The following COL14A1 variants were observed in gnomAD, a reference collection of about 807,000 sequenced individuals.
The protein encoded by COL14A1 is collagen alpha-1(XIV) chain.
Under a neutral mutation model 230.3 loss-of-function variants are expected in COL14A1, and 136 were observed. The observed-to-expected ratio is 0.59, with a 90% CI of 0.51 to 0.68. The LOEUF (loss-of-function observed/expected upper bound fraction) is 0.68. COL14A1 is among the 30% of genes least tolerant of loss of function. The pLI is 0.00. For missense variants in COL14A1, 1,976 were observed against 2,215.8 expected (o/e 0.89, Z 2.17); for synonymous variants, 792 against 784.1 (o/e 1.01, Z -0.17).
At chr8:120,145,413 G>A (rs1157169067) in intron 1 of COL14A1, among the ~76,000 whole-genome samples, 1 of 152,216 alleles carries the variant, frequency 6.6e-6, no homozygotes, top group Non-Finnish European at 1.5e-5. Flanking sequence ...GAGGTCAGGA[G>A]TTTGAGACCA....
At chr8:120,256,146 A>G (rs934988186) in intron 23 of COL14A1, among the ~76,000 whole-genome samples, 5 of 152,222 alleles carry the variant, frequency 3.3e-5, no homozygotes, top group African/African-American at 1.2e-4. Flanking sequence ...AGGAGATGCT[A>G]AAGAATCCCA....
At chr8:120,247,772 G>A (rs764661146) in intron 21 of COL14A1, 37 bp downstream of exon 21, 2 of 1,601,668 alleles carry the variant, frequency 1.2e-6, no homozygotes, top group African/African-American at 1.3e-5. Context: ...GATACCATGA[G>A]TAGTCACTTA....
intron 3 of COL14A1, 87 bp from the exon 4 acceptor site, chr8:120,162,339 C>A: frequency 1.5e-5 from 17 of 1,121,432 alleles, no homozygotes; most frequent in Non-Finnish European, 2.0e-5. Context: ...TACTGTTTAA[C>A]ACCATAATTG....
chr8:120,252,180 T>C (rs1818989933), intron 22 of COL14A1, among the ~76,000 whole-genome samples: 1 of 152,130 alleles, frequency 6.6e-6, no homozygotes, highest in Non-Finnish European at 1.5e-5. Context: ...ACATCTTTAT[T>C]TTATTTTATT....
chr8:120,128,101 C>G (rs973599933), intron 1 of COL14A1, among the ~76,000 whole-genome samples: 1 of 152,124 alleles, frequency 6.6e-6, no homozygotes, highest in Non-Finnish European at 1.5e-5. Flanking sequence ...TAATCATTCT[C>G]CTTGACTTCT....
At chr8:120,334,400 C>T (rs557039953) in intron 42 of COL14A1, among the ~76,000 whole-genome samples, 2,756 of 146,796 alleles carry the variant, frequency 0.019, 39 homozygotes, top group Middle Eastern at 0.059. Context: ...ATACAAAATA[C>T]TTTTAGATCT....
chr8:120,333,329 T>C (rs1821934197), intron 42 of COL14A1, among the ~76,000 whole-genome samples: 1 of 152,240 alleles, frequency 6.6e-6, no homozygotes, highest in Admixed American at 6.5e-5. Flanking sequence ...TGAACACATC[T>C]GGGCCTGTTT....
intron 34 of COL14A1, among the ~76,000 whole-genome samples, chr8:120,291,712 G>A (rs985225779): frequency 2.6e-4 from 39 of 151,886 alleles, no homozygotes; most frequent in African/African-American, 8.2e-4. Context: ...GTTAGTAGGC[G>A]TTCACTGAAG....
At chr8:120,307,237 G>A (rs1240956255) in intron 36 of COL14A1, among the ~76,000 whole-genome samples, 1 of 152,062 alleles carries the variant, frequency 6.6e-6, no homozygotes, top group Non-Finnish European at 1.5e-5. Context: ...GGGAAAAGGG[G>A]GTCAGAAAAG....
chr8:120,361,896 C>T (rs1425108770), intron 45 of COL14A1, among the ~76,000 whole-genome samples: 2 of 152,148 alleles, frequency 1.3e-5, no homozygotes, highest in Non-Finnish European at 2.9e-5. Context: ...AAGGGCCAGC[C>T]CCTGGACATG....
intron 25 of COL14A1, among the ~76,000 whole-genome samples, chr8:120,267,167 T>G (rs1279917305): frequency 1.3e-5 from 2 of 151,948 alleles, no homozygotes; most frequent in African/African-American, 4.8e-5. Context: ...ACATAATTTG[T>G]AAGTGAAAAT....
chr8:120,270,223 C>A, intron 26 of COL14A1, 49 bp downstream of exon 26: 3 of 1,542,284 alleles, frequency 1.9e-6, no homozygotes, highest in Non-Finnish European at 2.6e-6. Flanking sequence ...GAAATTATTT[C>A]TCCAGCTCTT....
intron 36 of COL14A1, among the ~76,000 whole-genome samples, chr8:120,309,459 G>GAT (rs891486555): frequency 6.6e-6 from 1 of 151,940 alleles, no homozygotes; most frequent in Non-Finnish European, 1.5e-5. Context: ...TATGTTTGTA[G>GAT]ATATATATCT....
At chr8:120,151,890 C>T (rs960092228) in intron 2 of COL14A1, among the ~76,000 whole-genome samples, 1 of 151,990 alleles carries the variant, frequency 6.6e-6, no homozygotes, top group Admixed American at 6.6e-5. Context: ...CCAGTGTCAG[C>T]GGCCAGGTGA....
chr8:120,222,912 A>G (rs1453524119), intron 14 of COL14A1, among the ~76,000 whole-genome samples: 1 of 152,204 alleles, frequency 6.6e-6, no homozygotes, highest in Non-Finnish European at 1.5e-5. Context: ...GCCAAGGAGG[A>G]AACAACAAGG....
intron 5 of COL14A1, among the ~76,000 whole-genome samples, chr8:120,193,686 C>G (rs915981002): frequency 6.6e-6 from 1 of 152,218 alleles, no homozygotes; most frequent in African/African-American, 2.4e-5. Flanking sequence ...CCTCCTTGAG[C>G]TGTAGTGGGC....
rs556728848 is a variant in COL14A1, at chr8:120,326,945, G to A, written c.4660-5196G>A. On this transcript the variant is annotated intron_variant, in intron 40 of 47. Transcript: ENST00000297848. ...GGAGGCTGAGGCAGGAGAATTTTTT[G>A]AGCCTGGGAGGCGGAGGTTGCCATG... 2.6e-5 allele frequency among the ~76,000 whole-genome samples: 4 copies of A among 152,234 alleles called. No homozygotes were observed. The South Asian group carries it at 8.3e-4, about 32-fold the overall frequency.
chr8:120,315,524 G>A lies in COL14A1; in HGVS notation c.4552-9G>A, dbSNP rs377109290. 84 of 1,610,574 alleles carry A rather than the reference G, an allele frequency of 5.2e-5. No homozygotes were observed. The South Asian group carries it at 8.6e-4, about 16-fold the overall frequency. ...GTGAACTTAACTCTGTATACTTTTG[G>A]ATATTCAGGGAATGCCAGGAGAAAA... is the stretch of plus-strand genomic sequence containing the variant. On this transcript the variant is annotated splice_polypyrimidine_tract_variant and intron_variant, in intron 38 of 47. Coordinates refer to ENST00000297848, the MANE Select transcript of COL14A1 (RefSeq NM_021110.4).
chr8:120,138,533 G>A (rs1251011489), intron 1 of COL14A1, among the ~76,000 whole-genome samples: 4 of 152,168 alleles, frequency 2.6e-5, no homozygotes, highest in African/African-American at 9.7e-5. Context: ...GCCATGCATA[G>A]TGGGGAGTTC....
Sources: gnomAD v4.1 joint callset for allele counts (sites outside exome capture counted in the v4.1 genomes callset) on GRCh38, gnomAD v4.1.1 for gene constraint, MANE v1.5 for transcripts, NCBI Gene and HGNC (gene_info 2026-07-23, HGNC 2026-07-21) for gene names.